The following ARHGEF4 variants were observed in gnomAD, a reference collection of about 807,000 sequenced individuals.
ARHGEF4 encodes the protein APC-stimulated guanine nucleotide exchange factor 1.
A neutral mutation model predicts 162.0 loss-of-function variants in ARHGEF4; 119 were observed. The observed-to-expected ratio is 0.73, with a 90% CI of 0.63 to 0.86. The LOEUF is 0.86. ARHGEF4 is among the 40% of genes least tolerant of loss of function. The pLI is 0.00. For missense variants in ARHGEF4, 2,488 were observed against 2,456.0 expected (o/e 1.01, Z -0.28); for synonymous variants, 1,014 against 979.9 (o/e 1.03, Z -0.65).
intron 4 of ARHGEF4, among the ~76,000 whole-genome samples, chr2:130,949,017 A>C (rs1683791624): frequency 2.0e-5 from 3 of 152,216 alleles, no homozygotes; most frequent in East Asian, 1.9e-4. Context: ...TATCCCTGGA[A>C]TCTGTCATCA....
chr2:130,849,166 T>A (rs779412393), intron 1 of ARHGEF4, among the ~76,000 whole-genome samples: 17 of 152,156 alleles, frequency 1.1e-4, no homozygotes, highest in Non-Finnish European at 4.4e-5. Context: ...GTGTCCCAAC[T>A]TTAGTTTGTT....
At chr2:130,870,003 G>T (rs1678353529) in intron 1 of ARHGEF4, among the ~76,000 whole-genome samples, 1 of 152,178 alleles carries the variant, frequency 6.6e-6, no homozygotes, top group African/African-American at 2.4e-5. Context: ...CAGCTGAAAA[G>T]CTCCATTATT....
Position 130,914,457 on chromosome 2 carries a change from G to C in ARHGEF4, c.511G>C (p.Glu171Gln). The C allele has an allele frequency of 7.0e-7, 1 of 1,433,842 alleles. No individual in the cohort carries two copies. The highest frequency in any genetic ancestry group is 9.1e-7 in the Non-Finnish European group (1 of 1,099,616). The allele number at this position is 1,433,842 out of a possible 1,614,324, so 88.8% of individuals were successfully genotyped here. The change falls in exon 2 of 14, where the codon GAG becomes CAG. Residue 171 changes from glutamate to glutamine, a missense_variant. Glu to Gln is a conservative substitution (Grantham distance 29). Coordinates refer to ENST00000409359, the MANE Select transcript of ARHGEF4 (RefSeq NM_001367493.1). ...LWDCATSLER[E>Q]SLLAGVPRHT... ...GGACTGCGCGACCAGCCTGGAGCGA[G>C]AGTCTTTGCTGGCAGGGGTTCCCCG... is the stretch of plus-strand genomic sequence containing the variant.
rs1034891384 is a variant in ARHGEF4, at chr2:131,046,236, C to A, written c.*47C>A. 4.5e-6 allele frequency: 7 copies of A among 1,565,202 alleles called. No individual in the cohort carries two copies. The highest frequency in any genetic ancestry group is 6.1e-6 in the Non-Finnish European group (7 of 1,148,844). On this transcript the variant is annotated 3_prime_UTR_variant, in exon 14 of 14. Coordinates refer to ENST00000409359, the MANE Select transcript of ARHGEF4 (RefSeq NM_001367493.1). ...CCTGCTGGGCCTTCCTGCCAGTGGC[C>A]CCCAGTTTTTCTTCCCCGAGGCCCA...
chr2:130,896,429 C>A (rs1327568745), intron 1 of ARHGEF4, among the ~76,000 whole-genome samples: 1 of 152,222 alleles, frequency 6.6e-6, no homozygotes, highest in African/African-American at 2.4e-5. Flanking sequence ...TGTAACTGTT[C>A]TGAGCCCACA....
intron 4 of ARHGEF4, among the ~76,000 whole-genome samples, chr2:130,993,101 A>G (rs1158807849): frequency 2.6e-5 from 4 of 152,176 alleles, no homozygotes; most frequent in South Asian, 2.1e-4. Context: ...CAAAACAAAA[A>G]TAGACATCAA....
chr2:130,941,190 C>G (rs1683276680), intron 3 of ARHGEF4, among the ~76,000 whole-genome samples: 1 of 145,412 alleles, frequency 6.9e-6, no homozygotes, highest in Non-Finnish European at 1.5e-5. Context: ...ACCACCCACA[C>G]AGCCGAAAAT....
intron 4 of ARHGEF4, among the ~76,000 whole-genome samples, chr2:130,992,393 A>C (rs1050900982): frequency 1.3e-5 from 2 of 151,262 alleles, no homozygotes; most frequent in African/African-American, 4.8e-5. Context: ...TGTAACGCTC[A>C]CCGCGAAGGT....
In ARHGEF4 at chr2:130,926,014, C is replaced by CTTTCTTTCTTTCTTTCTTTCTTTCTT. The variant is rs376311066; in HGVS notation, c.3553-4937_3553-4936insTTCTTTCTTTCTTTCTTTCTTTCTTT. Among the ~76,000 whole-genome samples, 44 of 97,262 alleles carry CTTTCTTTCTTTCTTTCTTTCTTTCTT rather than the reference C, an allele frequency of 4.5e-4. 3 individuals carry two copies. Among genetic ancestry groups the CTTTCTTTCTTTCTTTCTTTCTTTCTT allele is most frequent in the East Asian group, 1.7e-3 (6 of 3,460 alleles). The allele number at this position is 97,262 out of a possible 152,430, so 63.8% of individuals were successfully genotyped here. Reference sequence around the variant, plus strand: ...TGATGCTCTATTTGTTTGGTTTTCTCTCTTTCTTTCTTTCTTTCTTTCTTT... The same window carrying CTTTCTTTCTTTCTTTCTTTCTTTCTT: ...TGATGCTCTATTTGTTTGGTTTTCTCTTTCTTTCTTTCTTTCTTTCTTTCTTTCTTTCTTTCTTTCTTTCTTTCTTT... On this transcript the variant is annotated intron_variant, in intron 2 of 13. Coordinates refer to ENST00000409359, the MANE Select transcript of ARHGEF4 (RefSeq NM_001367493.1).
intron 5 of ARHGEF4, among the ~76,000 whole-genome samples, chr2:131,028,448 C>G (rs928464637): frequency 1.3e-4 from 20 of 152,296 alleles, no homozygotes; most frequent in Non-Finnish European, 1.5e-5. Flanking sequence ...CCCTGACCCC[C>G]CAACCAGCCA....
chr2:130,959,024 C>T (rs1684467870), intron 4 of ARHGEF4, among the ~76,000 whole-genome samples: 2 of 151,910 alleles, frequency 1.3e-5, no homozygotes, highest in Non-Finnish European at 2.9e-5. Flanking sequence ...TCACTGCAAC[C>T]TCTGCCTCCT....
intron 1 of ARHGEF4, among the ~76,000 whole-genome samples, chr2:130,910,653 T>G (rs1574211692): frequency 6.6e-6 from 1 of 152,204 alleles, no homozygotes; most frequent in South Asian, 2.1e-4. Context: ...TGAGCCCTTG[T>G]TAACACTGCA....
At chr2:130,975,824 C>T (rs1167790515) in intron 4 of ARHGEF4, among the ~76,000 whole-genome samples, 1 of 152,208 alleles carries the variant, frequency 6.6e-6, no homozygotes, top group East Asian at 1.9e-4. Flanking sequence ...AGGCCTGGCA[C>T]TGAGGCGTCA....
chr2:130,842,269 G>A (rs1680662823), intron 1 of ARHGEF4, among the ~76,000 whole-genome samples: 1 of 151,894 alleles, frequency 6.6e-6, no homozygotes, highest in African/African-American at 2.4e-5. Flanking sequence ...CTCCTAAGGT[G>A]AGGGTTCCAC....
intron 4 of ARHGEF4, among the ~76,000 whole-genome samples, chr2:131,002,383 C>T (rs1176652597): frequency 6.6e-6 from 1 of 152,036 alleles, no homozygotes; most frequent in Non-Finnish European, 1.5e-5. Context: ...CGAGACCATC[C>T]TGGCTAACAC....
At chr2:130,926,810 A>ATTT (rs55904944) in intron 2 of ARHGEF4, among the ~76,000 whole-genome samples, 663 of 48,876 alleles carry the variant, frequency 0.014, 174 homozygotes, top group African/African-American at 0.023. Context: ...CTTCTGGCTG[A>ATTT]TTTTTTTTTT....
chr2:131,027,717 A>G (rs1419506769), intron 4 of ARHGEF4, among the ~76,000 whole-genome samples: 1 of 152,168 alleles, frequency 6.6e-6, no homozygotes. Context: ...GTTGCTGTAG[A>G]CTGGGTGATG....
chr2:130,981,471 C>G (rs1686112699), intron 4 of ARHGEF4, among the ~76,000 whole-genome samples: 2 of 151,950 alleles, frequency 1.3e-5, no homozygotes, highest in Admixed American at 6.6e-5. Flanking sequence ...CCAGCTTGGC[C>G]AATATGGTGA....
chr2:130,995,045 G>A (rs1053669525), intron 4 of ARHGEF4, among the ~76,000 whole-genome samples: 7 of 152,224 alleles, frequency 4.6e-5, no homozygotes, highest in African/African-American at 1.4e-4. Flanking sequence ...ACAGTCCATA[G>A]GGATTCTTGG....
Sources: allele counts gnomAD v4.1 joint callset (sites outside exome capture counted in the v4.1 genomes callset), GRCh38; gene constraint gnomAD v4.1.1; transcripts MANE v1.5; gene names NCBI Gene and HGNC (gene_info 2026-07-23, HGNC 2026-07-21).